Variants in EPHB2 observed in about 807,000 individuals in gnomAD.
EPHB2 encodes ephrin type-B receptor 2.
A neutral mutation model predicts 96.4 loss-of-function variants in EPHB2; 18 were observed. The observed-to-expected ratio is 0.19, with a 90% CI of 0.13 to 0.28. The LOEUF is 0.28. Ranked by LOEUF, EPHB2 falls within the 10% of genes least tolerant of loss-of-function variation. The pLI, the probability that EPHB2 is intolerant of heterozygous loss-of-function variation, is 1.00. For missense variants in EPHB2, 989 were observed against 1,355.4 expected (o/e 0.73, Z 4.25); for synonymous variants, 506 against 534.1 (o/e 0.95, Z 0.72).
intron 9 of EPHB2, among the ~76,000 whole-genome samples, chr1:22,905,476 A>G (rs772125939): frequency 3.9e-5 from 6 of 152,108 alleles, no homozygotes; most frequent in Non-Finnish European, 8.8e-5. Context: ...CTGGGGGAAG[A>G]GGAGGCTTGA....
chr1:22,822,034 A>G (rs1645159269), intron 3 of EPHB2, among the ~76,000 whole-genome samples: 1 of 152,242 alleles, frequency 6.6e-6, no homozygotes, highest in African/African-American at 2.4e-5. Flanking sequence ...TTTATTAGAC[A>G]TCTACTATGT....
At chr1:22,831,898 G>T (rs1241919570) in intron 3 of EPHB2, among the ~76,000 whole-genome samples, 4 of 152,112 alleles carry the variant, frequency 2.6e-5, no homozygotes, top group Non-Finnish European at 5.9e-5. Context: ...CCCCTACCTA[G>T]CCAGAGGCAG....
In EPHB2 at chr1:22,844,386, G is replaced by C. The variant is rs12061829; in HGVS notation, c.812-18651G>C. Among the ~76,000 whole-genome samples the C allele has an allele frequency of 1.1e-3, 167 of 152,368 alleles. 1 individual carries two copies. The highest frequency in any genetic ancestry group is 3.7e-3 in the African/African-American group (154 of 41,600). On this transcript the variant is annotated intron_variant, in intron 3 of 15. Coordinates refer to ENST00000374630, the MANE Select transcript of EPHB2 (RefSeq NM_017449.5). ...AGCAGGGCTGGGATTGGAACCCAGA[G>C]TGCTGCTGCTGTCTCTGCAGGGGCA... is the stretch of plus-strand genomic sequence containing the variant.
At chr1:22,813,855 A>T (rs1439298436) in intron 3 of EPHB2, among the ~76,000 whole-genome samples, 1 of 152,120 alleles carries the variant, frequency 6.6e-6, no homozygotes, top group Non-Finnish European at 1.5e-5. Flanking sequence ...TCCAAAGACC[A>T]CACCCCTGTA....
Position 22,895,593 on chromosome 1 carries a change from T to G in EPHB2, c.1700+13T>G. The G allele has an allele frequency of 6.2e-7, 1 of 1,613,586 alleles. No individual in the cohort carries two copies. The highest frequency in any genetic ancestry group is 1.1e-5 in the South Asian group (1 of 91,076). ...TCGTGTGTAACAGGTGGGTGGGGTC[T>G]CCAGGCTTGGCCAGGCCTGGCTGTC... On this transcript the variant is annotated intron_variant, in intron 8 of 15. Transcript: ENST00000374630.
intron 5 of EPHB2, among the ~76,000 whole-genome samples, chr1:22,877,211 C>T (rs980337909): frequency 2.6e-5 from 4 of 152,212 alleles, no homozygotes; most frequent in African/African-American, 7.2e-5. Context: ...GGTTTGAATC[C>T]CAGCTCCACT....
At position 22,732,385 on chromosome 1, in the gene EPHB2, G is replaced by A. The variant is rs555369902; in HGVS notation, c.61+21342G>A. On this transcript the variant is annotated intron_variant, in intron 1 of 15. Coordinates refer to ENST00000374630, the MANE Select transcript of EPHB2 (RefSeq NM_017449.5). ...GGCAGCAGGGTTTGGGGAAGCGCGT[G>A]GGGGGCCGGAGGGCGGCTCTAACTC... Among the ~76,000 whole-genome samples, 12 of 151,854 alleles carry A rather than the reference G, an allele frequency of 7.9e-5. No individual in the cohort carries two copies. The South Asian group carries it at 8.4e-4, about 11-fold the overall frequency.
At chr1:22,834,835 GA>G (rs1207804422) in intron 3 of EPHB2, among the ~76,000 whole-genome samples, 4 of 151,978 alleles carry the variant, frequency 2.6e-5, no homozygotes, top group African/African-American at 9.7e-5. Context: ...TGAGGTGGGA[GA>G]ATCACTTGAA....
intron 1 of EPHB2, among the ~76,000 whole-genome samples, chr1:22,735,025 G>C (rs1413618639): frequency 6.6e-6 from 1 of 152,194 alleles, no homozygotes; most frequent in Non-Finnish European, 1.5e-5. Flanking sequence ...TCAAGGGAGG[G>C]TGACACTGAC....
At chr1:22,895,405 G>C (rs1482108254) in intron 7 of EPHB2, 67 bp from the exon 8 acceptor site, 1 of 1,468,080 alleles carries the variant, frequency 6.8e-7, no homozygotes, top group Non-Finnish European at 9.5e-7. Context: ...ATGGCAGGGG[G>C]TAGGGGACAA....
chr1:22,731,686 A>G (rs1643716265), intron 1 of EPHB2, among the ~76,000 whole-genome samples: 1 of 152,120 alleles, frequency 6.6e-6, no homozygotes, highest in African/African-American at 2.4e-5. Context: ...CTAAAATTAT[A>G]CAAATTAGCC....
intron 1 of EPHB2, among the ~76,000 whole-genome samples, chr1:22,770,062 T>G (rs942236307): frequency 3.3e-5 from 5 of 152,026 alleles, no homozygotes; most frequent in African/African-American, 1.2e-4. Context: ...AAATAGCTGC[T>G]TGGATTGGGT....
chr1:22,880,804 G>A (rs1639015091), intron 5 of EPHB2, among the ~76,000 whole-genome samples: 1 of 152,242 alleles, frequency 6.6e-6, no homozygotes, highest in Admixed American at 6.5e-5. Flanking sequence ...CTACACAGAG[G>A]TGATGCTTTC....
Position 22,875,590 on chromosome 1 carries a change from C to A in EPHB2, c.1304-6769C>A, listed in dbSNP as rs1363705860. ...AGAAAAGGGGAGAATCTGTCTGGTC[C>A]CCGCTTTTCCCTTTCTCCCTTCCTT... On this transcript the variant is annotated intron_variant, in intron 5 of 15. Transcript: ENST00000374630. The surrounding 1 kb of genome is among the most constrained non-coding windows in gnomAD (Gnocchi z 4.2). Among the ~76,000 whole-genome samples, 1 of 152,102 alleles carries A rather than the reference C, an allele frequency of 6.6e-6. No individual in the cohort carries two copies. Among genetic ancestry groups the A allele is most frequent in the Non-Finnish European group, 1.5e-5 (1 of 68,014 alleles).
intron 1 of EPHB2, among the ~76,000 whole-genome samples, chr1:22,757,177 G>A (rs1644164751): frequency 6.6e-6 from 1 of 152,078 alleles, no homozygotes; most frequent in Non-Finnish European, 1.5e-5. Flanking sequence ...TGCTTTTGTG[G>A]GGTCCTGAGG....
intron 5 of EPHB2, among the ~76,000 whole-genome samples, chr1:22,879,901 G>T (rs1638977034): frequency 6.6e-6 from 1 of 152,250 alleles, no homozygotes; most frequent in Admixed American, 6.5e-5. Flanking sequence ...AGGAACAGAG[G>T]CTCATCAGGG....
At chr1:22,717,960 G>C (rs995213168) in intron 1 of EPHB2, among the ~76,000 whole-genome samples, 4 of 152,204 alleles carry the variant, frequency 2.6e-5, no homozygotes, top group Non-Finnish European at 5.9e-5. Context: ...TGAGATGGTT[G>C]TGAGCAATGG....
At chr1:22,812,244 G>T (rs1164217504) in intron 3 of EPHB2, among the ~76,000 whole-genome samples, 1 of 152,222 alleles carries the variant, frequency 6.6e-6, no homozygotes, top group East Asian at 1.9e-4. Context: ...GAGGGAAGGG[G>T]AGCTTCCAGG....
At chr1:22,898,879 T>C (rs1570455918) in intron 9 of EPHB2, among the ~76,000 whole-genome samples, 1 of 152,162 alleles carries the variant, frequency 6.6e-6, no homozygotes, top group South Asian at 2.1e-4. Context: ...AGCCTCTGGG[T>C]AAGACATGGT....
Sources: allele counts gnomAD v4.1 joint callset (sites outside exome capture counted in the v4.1 genomes callset), GRCh38; gene constraint gnomAD v4.1.1; non-coding constraint Gnocchi (gnomAD v3.1); transcripts MANE v1.5; gene names NCBI Gene and HGNC (gene_info 2026-07-23, HGNC 2026-07-21).